The following MAP3K20 variants were observed in gnomAD, a reference collection of about 807,000 sequenced individuals.
MAP3K20 encodes mitogen-activated protein kinase kinase kinase 20.
In MAP3K20, 40 loss-of-function variants were observed where a neutral mutation model predicts 85.7. The ratio of observed to expected loss-of-function variants is 0.47; its 90% CI spans 0.36 to 0.61. The LOEUF (loss-of-function observed/expected upper bound fraction) is 0.61, where lower values mean the gene tolerates loss of function less well. MAP3K20 is among the 20% of genes least tolerant of loss of function. The pLI, the probability that MAP3K20 is intolerant of heterozygous loss-of-function variation, is 0.00. For synonymous variants in MAP3K20, 325 were observed against 327.7 expected (o/e 0.99, Z 0.09); for missense variants, 817 against 961.7 (o/e 0.85, Z 1.99).
chr2:173,179,700 A>ATG (rs1242447181), intron 3 of MAP3K20, among the ~76,000 whole-genome samples: 1 of 103,616 alleles, frequency 9.7e-6, no homozygotes, highest in African/African-American at 3.7e-5. Flanking sequence ...ATCCTAAGGA[A>ATG]TGCGCACACA....
intron 2 of MAP3K20, among the ~76,000 whole-genome samples, chr2:173,142,246 G>C (rs529857532): frequency 6.6e-6 from 1 of 152,202 alleles, no homozygotes; most frequent in Non-Finnish European, 1.5e-5. Context: ...GCCGAGGCGG[G>C]TGGATCATGA....
chr2:173,182,103 A>C (rs549387044), intron 3 of MAP3K20, among the ~76,000 whole-genome samples: 56 of 152,236 alleles, frequency 3.7e-4, no homozygotes, highest in African/African-American at 1.3e-3. Flanking sequence ...AAATAAAGAC[A>C]TTATGCTAAG....
In MAP3K20 at chr2:173,221,962, A is replaced by G. The variant is rs1684264229; in HGVS notation, c.987+4712A>G. The G allele has an allele frequency of 4.1e-6, 4 of 986,380 alleles. No individual in the cohort carries two copies. The Admixed American group carries it at 1.8e-4, about 45-fold the overall frequency. 61.1% of individuals were successfully genotyped at this position (986,380 alleles called of 1,614,324 possible). A position where few individuals can be genotyped will look rare whatever the true frequency, so the allele number is the denominator to read the frequency against. ...TTGACACGTAGTAATTCTGTGACAT[A>G]CTTTTTTTTTCTTATAGCAATACAC... On this transcript the variant is annotated intron_variant, in intron 11 of 19. Coordinates refer to ENST00000375213, the MANE Select transcript of MAP3K20 (RefSeq NM_016653.3).
intron 16 of MAP3K20, among the ~76,000 whole-genome samples, chr2:173,257,773 G>C (rs949334339): frequency 6.6e-6 from 1 of 152,070 alleles, no homozygotes; most frequent in Non-Finnish European, 1.5e-5. Flanking sequence ...CACCAACAAT[G>C]TATTAATATT....
chr2:173,204,243 A>G (rs1353543451), intron 9 of MAP3K20, among the ~76,000 whole-genome samples: 1 of 152,234 alleles, frequency 6.6e-6, no homozygotes. Context: ...TTTATTCCTC[A>G]GAATATCTCT....
In MAP3K20 at chr2:173,198,165, T is replaced by C; in HGVS notation, c.669+53T>C. On this transcript the variant is annotated intron_variant, in intron 8 of 19. Coordinates refer to ENST00000375213, the MANE Select transcript of MAP3K20 (RefSeq NM_016653.3). The surrounding 1 kb of genome is among the most constrained non-coding windows in gnomAD (Gnocchi z 5.8). The stretch of plus-strand genomic sequence containing the variant: ...CATAGATCAGAAAACAGTATTGGGG[T>C]TTTGCAAAAGACTTTTTCATCTTCT... 1 of 1,506,542 alleles carries C rather than the reference T, an allele frequency of 6.6e-7. No homozygotes were observed. Among genetic ancestry groups the C allele is most frequent in the Non-Finnish European group, 9.1e-7 (1 of 1,104,856 alleles). The allele number at this position is 1,506,542 out of a possible 1,614,324, so 93.3% of individuals were successfully genotyped here. A position where few individuals can be genotyped will look rare whatever the true frequency, so the allele number is the denominator to read the frequency against.
intron 11 of MAP3K20, chr2:173,223,023 T>G (rs1684293354): frequency 1.0e-6 from 1 of 985,346 alleles, no homozygotes; most frequent in Admixed American, 6.1e-5. Context: ...GACATCATCA[T>G]AGATATGATC....
chr2:173,188,870 A>C (rs1690569425), intron 5 of MAP3K20, among the ~76,000 whole-genome samples: 1 of 152,128 alleles, frequency 6.6e-6, no homozygotes, highest in Non-Finnish European at 1.5e-5. Flanking sequence ...TGAATTTGTA[A>C]ATTTTCAGTT....
chr2:173,107,846 G>T (rs537665104), intron 2 of MAP3K20, among the ~76,000 whole-genome samples: 1 of 152,174 alleles, frequency 6.6e-6, no homozygotes, highest in Non-Finnish European at 1.5e-5. Context: ...CTCTCAGTGC[G>T]TGTTACCTGT....
At chr2:173,182,734 T>A in intron 3 of MAP3K20, 120 bp from the exon 4 acceptor site, 3 of 703,866 alleles carry the variant, frequency 4.3e-6, no homozygotes, top group African/African-American at 1.9e-5. Context: ...AACAATTTTT[T>A]ATATATTTTT....
intron 2 of MAP3K20, among the ~76,000 whole-genome samples, chr2:173,161,678 T>A (rs1032374294): frequency 6.6e-6 from 1 of 152,140 alleles, no homozygotes; most frequent in African/African-American, 2.4e-5. Context: ...GAGCATTATG[T>A]AATAAAATGC....
At chr2:173,172,279 A>G (rs891907632) in intron 3 of MAP3K20, among the ~76,000 whole-genome samples, 5 of 152,064 alleles carry the variant, frequency 3.3e-5, no homozygotes, top group African/African-American at 1.2e-4. Flanking sequence ...CAAATAGTGG[A>G]GGCTCTGAAG....
chr2:173,202,927 T>G (rs1683530464), intron 8 of MAP3K20, among the ~76,000 whole-genome samples: 1 of 152,240 alleles, frequency 6.6e-6, no homozygotes. Context: ...AAGAATACTT[T>G]GTGTTTATTT....
intron 10 of MAP3K20, among the ~76,000 whole-genome samples, chr2:173,216,506 G>GT (rs1684075360): frequency 7.4e-6 from 1 of 135,060 alleles, no homozygotes; most frequent in Non-Finnish European, 1.7e-5. Flanking sequence ...CTGGGTTCTG[G>GT]TGTGTTTTTT....
chr2:173,181,886 CAAAAAAAA>C (rs74938428), intron 3 of MAP3K20, among the ~76,000 whole-genome samples: 49 of 134,998 alleles, frequency 3.6e-4, no homozygotes, highest in African/African-American at 1.3e-3. Flanking sequence ...TCATCTCTAC[CAAAAAAAA>C]AAAAAAAAAA....
chr2:173,135,589 T>C (rs977275467), intron 2 of MAP3K20, among the ~76,000 whole-genome samples: 2 of 152,238 alleles, frequency 1.3e-5, no homozygotes, highest in African/African-American at 4.8e-5. Context: ...GAATCCTGAA[T>C]GAAGGAGATC....
intron 2 of MAP3K20, among the ~76,000 whole-genome samples, chr2:173,092,866 G>A (rs1687341124): frequency 6.6e-6 from 1 of 152,112 alleles, no homozygotes; most frequent in Non-Finnish European, 1.5e-5. Flanking sequence ...GGAAAGTGCA[G>A]GAGTGAAAGC....
At chr2:173,192,856 G>A (rs952234178) in intron 7 of MAP3K20, 18 of 152,142 alleles carry the variant, frequency 1.2e-4, no homozygotes, top group South Asian at 2.1e-4. Flanking sequence ...ACGGCCTCTC[G>A]TTTTGTCCTG....
rs148243896 is a variant in MAP3K20 at position 173,101,498 on chromosome 2, A to G, written c.159+10308A>G. On this transcript the variant is annotated intron_variant, in intron 2 of 19. Coordinates refer to ENST00000375213, the MANE Select transcript of MAP3K20 (RefSeq NM_016653.3). The stretch of plus-strand genomic sequence containing the variant: ...TTTGTTCTACAGCCATGCTGGAAAT[A>G]TTATGCTGAAGTAAAACCAATTAAC... Among the ~76,000 whole-genome samples the G allele has an allele frequency of 3.1e-3, 474 of 152,356 alleles. 3 individuals carry two copies. Among genetic ancestry groups the G allele is most frequent in the African/African-American group, 0.01 (435 of 41,580 alleles).
Sources: gnomAD v4.1 joint callset for allele counts (sites outside exome capture counted in the v4.1 genomes callset) on GRCh38, gnomAD v4.1.1 for gene constraint, Gnocchi (gnomAD v3.1) non-coding constraint, MANE v1.5 for transcripts, NCBI Gene and HGNC (gene_info 2026-07-23, HGNC 2026-07-21) for gene names.